Variants in ZNF518A observed in about 807,000 individuals in gnomAD.
ZNF518A encodes zinc finger protein 518.
A neutral mutation model predicts 102.7 loss-of-function variants in ZNF518A; 47 were observed. That is an observed-to-expected ratio of 0.46 (90% confidence interval 0.36 to 0.58). ZNF518A has a LOEUF of 0.58. Among genes scored for constraint, ZNF518A ranks in the 20% least tolerant of loss-of-function variants. The pLI, the probability that ZNF518A is intolerant of heterozygous loss-of-function variation, is 0.00. For missense variants in ZNF518A, 1,793 were observed against 1,699.8 expected (o/e 1.05, Z -0.96); for synonymous variants, 652 against 594.6 (o/e 1.10, Z -1.40).
chr10:96,149,290 A>G (rs2082320015), intron 3 of ZNF518A, among the ~76,000 whole-genome samples: 1 of 152,160 alleles, frequency 6.6e-6, no homozygotes, highest in South Asian at 2.1e-4. Flanking sequence ...CTAGGAGCCA[A>G]CTTAGAAGCA....
chr10:96,202,984 C>G (rs2083686291), intron 1 of ZNF518A, among the ~76,000 whole-genome samples: 1 of 152,324 alleles, frequency 6.6e-6, no homozygotes, highest in East Asian at 1.9e-4. Flanking sequence ...CCACCCACCC[C>G]TGCTGCTGCG....
intron 3 of ZNF518A, among the ~76,000 whole-genome samples, chr10:96,144,795 C>T (rs951679666): frequency 4.0e-5 from 6 of 151,768 alleles, no homozygotes; most frequent in African/African-American, 7.3e-5. Context: ...AATACCACTA[C>T]CAAAACTGTT....
At position 96,157,006 on chromosome 10, in the gene ZNF518A, A is replaced by G. The variant is rs1241390302; in HGVS notation, c.684A>G (p.Arg228=). 1.2e-6 allele frequency: 2 copies of G among 1,613,690 alleles called. No homozygotes were observed. The highest frequency in any genetic ancestry group is 1.3e-5 in the African/African-American group (1 of 74,932). The change falls in exon 6 of 6, where the codon AGA becomes AGG. Residue 228 remains arginine (R), a synonymous_variant. Transcript: ENST00000316045. ...DVGTFVQHIH[R]HNEIHYKCGK... ...GCACATTTGTTCAGCACATTCATAGACATAATGAAATTCATTATAAGTGTG... is the reference window on the plus strand; with the variant it reads ...GCACATTTGTTCAGCACATTCATAGGCATAATGAAATTCATTATAAGTGTG...
At chr10:96,173,257 G>A (rs900310969) in intron 1 of ZNF518A, among the ~76,000 whole-genome samples, 3 of 152,180 alleles carry the variant, frequency 2.0e-5, no homozygotes, top group South Asian at 2.1e-4. Context: ...TTGGCAACAG[G>A]TACAAACCAG....
At chr10:96,137,569 G>A (rs2081667481) in intron 3 of ZNF518A, among the ~76,000 whole-genome samples, 1 of 152,160 alleles carries the variant, frequency 6.6e-6, no homozygotes, top group Non-Finnish European at 1.5e-5. Context: ...CCCTTATCCA[G>A]TAAACATTTT....
At position 96,161,591 on chromosome 10, in the gene ZNF518A, C is replaced by T. The variant is rs2083002591; in HGVS notation, c.*817C>T. The T allele has an allele frequency of 6.0e-6, 1 of 166,714 alleles. No homozygotes were observed. Among genetic ancestry groups the T allele is most frequent in the Non-Finnish European group, 1.5e-5 (1 of 68,016 alleles). The allele number at this position is 166,714 out of a possible 1,614,324, so 10.3% of individuals were successfully genotyped here. On this transcript the variant is annotated 3_prime_UTR_variant, in exon 6 of 6. Coordinates refer to ENST00000316045, the MANE Select transcript of ZNF518A (RefSeq NM_001330736.2). ...TCCCTTTGCACAGAACTATGCTTAT[C>T]TCATGTTTGTCCTCCATAAACAAAT...
intron 1 of ZNF518A, chr10:96,189,865 C>T (rs2083301536): frequency 3.3e-6 from 4 of 1,206,894 alleles, no homozygotes; most frequent in Non-Finnish European, 4.9e-6. Context: ...CATCTTCCTC[C>T]ACAGCTACTA....
rs1241238331 is a variant in ZNF518A at position 96,159,824 on chromosome 10, T to C, written c.3502T>C (p.Ser1168Pro). The C allele has an allele frequency of 1.9e-6, 3 of 1,613,510 alleles. No homozygotes were observed. The Admixed American group carries it at 5.0e-5, about 27-fold the overall frequency. The change falls in exon 6 of 6, where the codon TCA (serine) becomes CCA (proline). Residue 1168 changes from serine to proline, a missense_variant. Physicochemically the swap from Ser to Pro is moderately conservative, Grantham distance 74. Around this residue, in one of 3 missense-constraint regions of ZNF518A, gnomAD observed 1,741 missense variants for 1,622.6 expected, o/e 1.07. Transcript: ENST00000316045. ...TCTGTCAGTAAGCAACTCTGCATCC[T>C]CATTGCAAAAAGACAACGTACCATC... is the stretch of plus-strand genomic sequence containing the variant. ...NNLSVSNSAS[S>P]LQKDNVPSNQ...
At chr10:96,143,248 A>G (rs2082024370) in intron 3 of ZNF518A, among the ~76,000 whole-genome samples, 1 of 152,052 alleles carries the variant, frequency 6.6e-6, no homozygotes, top group African/African-American at 2.4e-5. Flanking sequence ...GTACCCTTCT[A>G]ATATTTCTAA....
chr10:96,154,116 T>C (rs1466057182), intron 3 of ZNF518A, among the ~76,000 whole-genome samples: 2 of 152,124 alleles, frequency 1.3e-5, no homozygotes, highest in African/African-American at 4.8e-5. Context: ...AATCAACTCA[T>C]ATAATTCTTT....
chr10:96,173,840 A>G (rs1219932367), intron 1 of ZNF518A, among the ~76,000 whole-genome samples: 2 of 152,188 alleles, frequency 1.3e-5, no homozygotes, highest in Non-Finnish European at 2.9e-5. Context: ...AGAACATGGA[A>G]CATTCTCCAG....
Position 96,157,022 on chromosome 10 carries a change from T to C in ZNF518A, c.700T>C (p.Tyr234His), listed in dbSNP as rs781991263. The change falls in exon 6 of 6, where the codon TAT becomes CAT. Residue 234 changes from tyrosine (Y) to histidine (H), a missense_variant. Physicochemically the swap from Tyr to His is moderately conservative, Grantham distance 83. Transcript: ENST00000316045. ...CATTCATAGACATAATGAAATTCAT[T>C]ATAAGTGTGGTAAATGTCATCATGT... is the stretch of plus-strand genomic sequence containing the variant. Reference protein sequence around the residue: ...QHIHRHNEIHYKCGKCHHVCF... With the variant: ...QHIHRHNEIHHKCGKCHHVCF... The C allele has an allele frequency of 6.2e-7, 1 of 1,613,672 alleles. No individual in the cohort carries two copies. Among genetic ancestry groups the C allele is most frequent in the Non-Finnish European group, 8.5e-7 (1 of 1,179,780 alleles).
chr10:96,188,882 CA>C (rs1358840702), intron 1 of ZNF518A, among the ~76,000 whole-genome samples: 2 of 152,178 alleles, frequency 1.3e-5, no homozygotes, highest in Non-Finnish European at 2.9e-5. Context: ...AAGGTGCCAC[CA>C]GGGCCATGCT....
At chr10:96,138,489 T>C (rs1266127818) in intron 3 of ZNF518A, among the ~76,000 whole-genome samples, 2 of 152,210 alleles carry the variant, frequency 1.3e-5, no homozygotes, top group African/African-American at 4.8e-5. Context: ...CTCAGCTCTT[T>C]AAGATACTGA....
At chr10:96,190,232 C>A in intron 1 of ZNF518A, 1 of 749,974 alleles carries the variant, frequency 1.3e-6, no homozygotes, top group East Asian at 2.5e-5. Context: ...GGTGGCGGCA[C>A]ACACTTAGGT....
At chr10:96,170,410 A>G (rs1252273698) in intron 1 of ZNF518A, among the ~76,000 whole-genome samples, 1 of 152,224 alleles carries the variant, frequency 6.6e-6, no homozygotes, top group Non-Finnish European at 1.5e-5. Context: ...ACAGGTCAGT[A>G]TAAATAGTTA....
intron 1 of ZNF518A, among the ~76,000 whole-genome samples, chr10:96,181,002 A>G (rs1421823870): frequency 1.3e-5 from 2 of 152,102 alleles, no homozygotes; most frequent in Non-Finnish European, 2.9e-5. Context: ...CCTCTCCAGC[A>G]CCTGTTGTTT....
intron 1 of ZNF518A, among the ~76,000 whole-genome samples, chr10:96,184,791 C>G (rs1554892377): frequency 6.6e-6 from 1 of 152,080 alleles, no homozygotes; most frequent in African/African-American, 2.4e-5. Flanking sequence ...TGGGGTTGCT[C>G]TTCTTGAGGA....
Position 96,163,443 on chromosome 10 carries a change from A to AT in ZNF518A, c.*2675dup, listed in dbSNP as rs1399725540. On this transcript the variant is annotated 3_prime_UTR_variant, in exon 6 of 6. Coordinates refer to ENST00000316045, the MANE Select transcript of ZNF518A (RefSeq NM_001330736.2). Reference sequence around the variant, plus strand: ...AATTTCTGTGTGAGGAATTTGTTTTATTTTTTCTAGTTTGTCCATCTCCAC... The same window carrying AT: ...AATTTCTGTGTGAGGAATTTGTTTTATTTTTTTCTAGTTTGTCCATCTCCAC... The AT allele has an allele frequency of 1.3e-5, 2 of 157,964 alleles. No homozygotes were observed. The highest frequency in any genetic ancestry group is 2.4e-5 in the African/African-American group (1 of 41,172). The allele number at this position is 157,964 out of a possible 1,614,324, so 9.8% of individuals were successfully genotyped here.
Sources: allele counts gnomAD v4.1 joint callset (sites outside exome capture counted in the v4.1 genomes callset), GRCh38; gene constraint gnomAD v4.1.1; regional missense constraint gnomAD v4.1.1; transcripts MANE v1.5; gene names NCBI Gene and HGNC (gene_info 2026-07-23, HGNC 2026-07-21).